CDYL: variants seen among roughly 807,000 people sequenced by gnomAD.
CDYL encodes the protein chromodomain Y like, also known as chromodomain Y-like protein.
In CDYL, 8 loss-of-function variants were observed where a neutral mutation model predicts 47.3. The ratio of observed to expected loss-of-function variants is 0.17; its 90% CI spans 0.10 to 0.31. The LOEUF (loss-of-function observed/expected upper bound fraction) is 0.31, where lower values mean the gene tolerates loss of function less well. Ranked by LOEUF, CDYL falls within the 10% of genes least tolerant of loss-of-function variation. The pLI, the probability that CDYL is intolerant of heterozygous loss-of-function variation, is 1.00. For missense variants in CDYL, 471 were observed against 701.4 expected, an observed-to-expected ratio of 0.67 and a Z score of 3.71; for synonymous variants, 266 against 265.0, an observed-to-expected ratio of 1.00 and a Z score of -0.04.
intron 1 of CDYL, among the ~76,000 whole-genome samples, chr6:4,870,035 A>AT (rs527605452): frequency 6.6e-6 from 1 of 151,326 alleles, no homozygotes; most frequent in East Asian, 1.9e-4. Flanking sequence ...TTTTGCTTTC[A>AT]TTTTTTTTCT....
chr6:4,710,742 C>T (rs1430294867), intron 1 of CDYL, among the ~76,000 whole-genome samples: 1 of 152,156 alleles, frequency 6.6e-6, no homozygotes, highest in Non-Finnish European at 1.5e-5. Flanking sequence ...TCTCCCCTCC[C>T]CTACTCACAT....
chr6:4,872,002 T>G (rs746102719), intron 1 of CDYL, among the ~76,000 whole-genome samples: 10 of 152,208 alleles, frequency 6.6e-5, no homozygotes, highest in Non-Finnish European at 1.5e-4. Context: ...GCTGTTGTAT[T>G]CTGGTTCCTA....
At chr6:4,953,256 C>T (rs956547470) in intron 6 of CDYL, among the ~76,000 whole-genome samples, 30 of 151,608 alleles carry the variant, frequency 2.0e-4, no homozygotes, top group African/African-American at 6.8e-4. Context: ...TGGTGGTGCA[C>T]GCCTGTAATC....
chr6:4,725,387 C>T (rs917809614), intron 2 of CDYL, among the ~76,000 whole-genome samples: 2 of 152,226 alleles, frequency 1.3e-5, no homozygotes, highest in South Asian at 2.1e-4. Flanking sequence ...GGGGGCGGCG[C>T]TCGTGGGGGA....
At chr6:4,709,442 T>C (rs1205222907) in intron 1 of CDYL, among the ~76,000 whole-genome samples, 1 of 152,192 alleles carries the variant, frequency 6.6e-6, no homozygotes, top group Non-Finnish European at 1.5e-5. Flanking sequence ...GTGATCCGCC[T>C]GCCTCGGCTT....
intron 1 of CDYL, among the ~76,000 whole-genome samples, chr6:4,855,656 T>A (rs1229983327): frequency 1.3e-5 from 2 of 152,258 alleles, no homozygotes; most frequent in African/African-American, 4.8e-5. Context: ...AAAAGTTTTC[T>A]GGACTGTAGC....
chr6:4,749,903 T>G (rs1173515830), intron 3 of CDYL, among the ~76,000 whole-genome samples: 1 of 152,184 alleles, frequency 6.6e-6, no homozygotes, highest in Non-Finnish European at 1.5e-5. Flanking sequence ...CAGGGCTATA[T>G]GGTCCAAGTA....
intron 2 of CDYL, among the ~76,000 whole-genome samples, chr6:4,926,072 C>G (rs190369604): frequency 2.0e-5 from 3 of 152,078 alleles, no homozygotes; most frequent in African/African-American, 4.8e-5. Context: ...ATTAGACTAG[C>G]CTTTAACTCG....
intron 1 of CDYL, among the ~76,000 whole-genome samples, chr6:4,802,124 G>A (rs959566151): frequency 2.6e-5 from 4 of 152,148 alleles, no homozygotes; most frequent in African/African-American, 9.7e-5. Flanking sequence ...TGTGGGAGTT[G>A]AGCAGTGCCT....
intron 2 of CDYL, among the ~76,000 whole-genome samples, chr6:4,896,075 C>G (rs750643324): frequency 4.6e-5 from 7 of 152,190 alleles, no homozygotes; most frequent in Non-Finnish European, 5.9e-5. Context: ...TCAGCCCTGA[C>G]CCCTGTATAC....
rs145767194 is a variant in CDYL, at chr6:4,739,141, A to G, written c.186+4297A>G. 4.8e-3 allele frequency among the ~76,000 whole-genome samples: 734 copies of G among 152,080 alleles called. 7 individuals are homozygous for G. The highest frequency in any genetic ancestry group is 0.016 in the South Asian group (79 of 4,822). On this transcript the variant is annotated intron_variant, in intron 3 of 8. Coordinates refer to the CDYL transcript ENST00000328908. ...ACGCCATTGCACTCCAGCCTGGGCAACAAGAGCAAAACTCTGTCTCAAACA... is the reference window on the plus strand; with the variant it reads ...ACGCCATTGCACTCCAGCCTGGGCAGCAAGAGCAAAACTCTGTCTCAAACA...
chr6:4,817,067 A>G (rs1266415269), intron 1 of CDYL, among the ~76,000 whole-genome samples: 1 of 152,170 alleles, frequency 6.6e-6, no homozygotes, highest in Non-Finnish European at 1.5e-5. Context: ...CAACTAATAA[A>G]TATATTGTGT....
At chr6:4,892,672 G>A (rs1051186324) in intron 2 of CDYL, among the ~76,000 whole-genome samples, 4 of 152,066 alleles carry the variant, frequency 2.6e-5, no homozygotes, top group Non-Finnish European at 5.9e-5. Context: ...TTTACAGCAA[G>A]TTTCTGAAGC....
At chr6:4,868,356 CTGAT>C (rs1761380750) in intron 1 of CDYL, among the ~76,000 whole-genome samples, 1 of 151,458 alleles carries the variant, frequency 6.6e-6, no homozygotes, top group African/African-American at 2.4e-5. Flanking sequence ...TCTTTTTTGA[CTGAT>C]GGCTTCTTTT....
chr6:4,799,275 A>T (rs780903767), intron 1 of CDYL, among the ~76,000 whole-genome samples: 64 of 151,930 alleles, frequency 4.2e-4, no homozygotes, highest in African/African-American at 1.2e-3. Context: ...TTCCTATAAG[A>T]TTTCAGTTTT....
At chr6:4,826,540 G>T (rs1180964724) in intron 1 of CDYL, among the ~76,000 whole-genome samples, 1 of 151,944 alleles carries the variant, frequency 6.6e-6, no homozygotes, top group Non-Finnish European at 1.5e-5. Context: ...TACTTTTTCT[G>T]TGTTGTGATT....
In CDYL at chr6:4,954,307, G is replaced by T. The variant is rs535033415; in HGVS notation, c.*251G>T. On this transcript the variant is annotated 3_prime_UTR_variant, in exon 7 of 7. Coordinates refer to ENST00000397588, the MANE Select transcript of CDYL (RefSeq NM_004824.4). Reference sequence around the variant, plus strand: ...TACTTATATACACGCAGGTGTAAAAGTATAAAGGTGAGCACTAGACTGCTC... The same window carrying T: ...TACTTATATACACGCAGGTGTAAAATTATAAAGGTGAGCACTAGACTGCTC... 15 of 330,318 alleles carry T rather than the reference G, an allele frequency of 4.5e-5. No homozygotes were observed. In the East Asian group the frequency reaches 7.4e-4, roughly 16 times the overall value. 20.5% of individuals were successfully genotyped at this position (330,318 alleles called of 1,614,324 possible).
At position 4,891,909 on chromosome 6, in the gene CDYL, C is replaced by A. The variant is rs760861481; in HGVS notation, c.221C>A (p.Thr74Asn). The stretch of plus-strand genomic sequence containing the variant: ...AGCACATTGACCAGAACAAACAGGA[C>A]CTCTCCCAACAATGCTAGGAAACAA... ...KESTLTRTNRTSPNNARKQIS... is the reference protein window; with the variant it reads ...KESTLTRTNRNSPNNARKQIS... The change falls in exon 2 of 7, where the codon ACC becomes AAC. Residue 74 changes from threonine to asparagine, a missense_variant. This residue lies in a region of CDYL where 311 missense variants were observed against 350.0 expected (regional missense o/e 0.89). Coordinates refer to ENST00000397588, the MANE Select transcript of CDYL (RefSeq NM_004824.4). 5 of 1,614,124 alleles carry A rather than the reference C, an allele frequency of 3.1e-6. No homozygotes were observed. In the Admixed American group the frequency reaches 8.3e-5, roughly 27 times the overall value.
At position 4,835,119 on chromosome 6, in the gene CDYL, T is replaced by C. The variant is rs926351300; in HGVS notation, c.25-56594T>C. Reference sequence around the variant, plus strand: ...CTTTGTTCCATTGCTGGTGAGGAACTGCGATCCTTTGGAGGAGGAGAGGTG... The same window carrying C: ...CTTTGTTCCATTGCTGGTGAGGAACCGCGATCCTTTGGAGGAGGAGAGGTG... On this transcript the variant is annotated intron_variant, in intron 1 of 6. Coordinates refer to ENST00000397588, the MANE Select transcript of CDYL (RefSeq NM_004824.4). Among the ~76,000 whole-genome samples the C allele has an allele frequency of 1.6e-4, 24 of 152,222 alleles. 1 individual carries two copies. Among genetic ancestry groups the C allele is most frequent in the African/African-American group, 5.3e-4 (22 of 41,452 alleles).
Sources: gnomAD v4.1 joint callset for allele counts (sites outside exome capture counted in the v4.1 genomes callset) on GRCh38, gnomAD v4.1.1 for gene constraint, gnomAD v4.1.1 regional missense constraint, MANE v1.5 for transcripts, NCBI Gene and HGNC (gene_info 2026-07-23, HGNC 2026-07-21) for gene names.